The following AGBL3 variants were observed in gnomAD, a reference collection of about 807,000 sequenced individuals.
AGBL3 encodes AGBL carboxypeptidase 3, also known as cytosolic carboxypeptidase 3.
AGBL3 carries 68 observed loss-of-function variants against 94.5 expected under a neutral mutation model. The observed-to-expected ratio is 0.72, with a 90% CI of 0.59 to 0.88. The LOEUF (loss-of-function observed/expected upper bound fraction) is 0.88, where lower values mean the gene tolerates loss of function less well. Among genes scored for constraint, AGBL3 ranks in the 40% least tolerant of loss-of-function variants. The probability of loss-of-function intolerance (pLI) is 0.00; values close to 1 mark genes in which losing one functional copy is unlikely to be tolerated. For missense variants in AGBL3, 934 were observed against 1,103.8 expected (o/e 0.85, Z 2.18); for synonymous variants, 354 against 370.7 (o/e 0.95, Z 0.52).
At position 135,081,266 on chromosome 7, in the gene AGBL3, A is replaced by C. The variant is rs546958549; in HGVS notation, c.2039-453A>C. On this transcript the variant is annotated intron_variant, in intron 14 of 16. Transcript: ENST00000436302. ...CGTTCCTATATTTATCCACATACACACCATGTTAATGAATCACATAATCAT... is the reference window on the plus strand; with the variant it reads ...CGTTCCTATATTTATCCACATACACCCCATGTTAATGAATCACATAATCAT... Among the ~76,000 whole-genome samples, 8 of 152,224 alleles carry C rather than the reference A, an allele frequency of 5.3e-5. No homozygotes were observed. The South Asian group carries it at 1.7e-3, about 32-fold the overall frequency.
At chr7:135,008,031 A>T (rs1334511153) in intron 4 of AGBL3, among the ~76,000 whole-genome samples, 3 of 152,092 alleles carry the variant, frequency 2.0e-5, no homozygotes, top group African/African-American at 7.2e-5. Context: ...GGATCAAAAG[A>T]CTTACTATTA....
intron 11 of AGBL3, among the ~76,000 whole-genome samples, chr7:135,049,415 C>T (rs1817673292): frequency 1.3e-5 from 2 of 151,858 alleles, no homozygotes; most frequent in Non-Finnish European, 2.9e-5. Context: ...CTAGATCTTT[C>T]GTATCAGGTT....
intron 12 of AGBL3, among the ~76,000 whole-genome samples, chr7:135,062,170 T>C (rs1383434860): frequency 1.3e-5 from 2 of 152,074 alleles, no homozygotes; most frequent in Non-Finnish European, 2.9e-5. Flanking sequence ...AATTATGTTC[T>C]TGATTTCTTT....
rs1820541517 is a variant in AGBL3 at position 135,077,256 on chromosome 7, ACAGAGGCTCTACTT to A, written c.1980+792_1980+805del. Among the ~76,000 whole-genome samples the A allele has an allele frequency of 2.6e-5, 4 of 152,176 alleles. No homozygotes were observed. The South Asian group carries it at 8.3e-4, about 31-fold the overall frequency. On this transcript the variant is annotated intron_variant, in intron 13 of 16. Transcript: ENST00000436302. Reference sequence around the variant, plus strand: ...TCCTCTCCCAGTCCCCGTACATGAGACAGAGGCTCTACTTCAGGTGCTCCACCACTGAGCATTCT... The same window carrying A: ...TCCTCTCCCAGTCCCCGTACATGAGACAGGTGCTCCACCACTGAGCATTCT...
At position 135,135,105 on chromosome 7, in the gene AGBL3, T is replaced by C. The variant is rs1326983240; in HGVS notation, c.2607T>C (p.Asp869=). 1 of 1,551,038 alleles carries C rather than the reference T, an allele frequency of 6.4e-7. No individual in the cohort carries two copies. Among genetic ancestry groups the C allele is most frequent in the Non-Finnish European group, 8.7e-7 (1 of 1,146,662 alleles). ...CTGCTTCTTCAAGCTTTGGAATGGATGCAAATGTTCTAAAATATAAGAGTC... is the reference window on the plus strand; with the variant it reads ...CTGCTTCTTCAAGCTTTGGAATGGACGCAAATGTTCTAAAATATAAGAGTC... ...WETASSSFGM[D]ANVLKYKSLQ... Residue 869 remains aspartate, a synonymous_variant, in exon 17 of 17, where the codon GAT becomes GAC. Coordinates refer to ENST00000436302, the MANE Select transcript of AGBL3 (RefSeq NM_178563.4).
Position 135,034,881 on chromosome 7 carries a change from G to T in AGBL3, c.1290G>T (p.Leu430=), listed in dbSNP as rs746522434. The change falls in exon 7 of 17, where the codon CTG becomes CTT. Residue 430 remains leucine (L), a synonymous_variant. Transcript: ENST00000436302. ...RDLNRNYTSL[L]KESFPSVWYT... ...TAAACCGTAATTATACATCTCTCCT[G>T]AAGGAATCTTTTCCTTCTGTATGGT... is the stretch of plus-strand genomic sequence containing the variant. 2.6e-6 allele frequency: 4 copies of T among 1,547,442 alleles called. No individual in the cohort carries two copies. The South Asian group carries it at 3.6e-5, about 14-fold the overall frequency.
chr7:135,071,426 G>A (rs1340526185), intron 12 of AGBL3, among the ~76,000 whole-genome samples: 1 of 151,938 alleles, frequency 6.6e-6, no homozygotes, highest in Non-Finnish European at 1.5e-5. Flanking sequence ...AAGTTCATAT[G>A]GAACCAAAAA....
chr7:135,076,405 T>C lies in AGBL3; in HGVS notation c.1917T>C (p.His639=), dbSNP rs901692168. 9 of 1,545,170 alleles carry C rather than the reference T, an allele frequency of 5.8e-6. No individual in the cohort carries two copies. The Admixed American group carries it at 1.6e-4, about 27-fold the overall frequency. The change falls in exon 13 of 17, where the codon CAT becomes CAC. Residue 639 remains histidine, a synonymous_variant. Coordinates refer to ENST00000436302, the MANE Select transcript of AGBL3 (RefSeq NM_178563.4). ...TATGATTCTTTTACTAGAAAAAACA[T>C]TTGAAAACAAAGAAGGAAAGGAATT... is the stretch of plus-strand genomic sequence containing the variant. ...YLLKLTSQKK[H]LKTKKERNST...
chr7:135,081,180 T>C (rs1028775462), intron 14 of AGBL3, among the ~76,000 whole-genome samples: 1 of 152,082 alleles, frequency 6.6e-6, no homozygotes, highest in Non-Finnish European at 1.5e-5. Flanking sequence ...ATGTCAAAAA[T>C]TAAAAATAAA....
intron 16 of AGBL3, among the ~76,000 whole-genome samples, chr7:135,120,933 G>A (rs963569341): frequency 1.3e-5 from 2 of 152,334 alleles, no homozygotes; most frequent in Middle Eastern, 3.4e-3. Flanking sequence ...GCTGGGTGCA[G>A]TGGCTTACAC....
chr7:135,107,664 T>C (rs1473885921), intron 15 of AGBL3, among the ~76,000 whole-genome samples: 2 of 152,220 alleles, frequency 1.3e-5, no homozygotes, highest in East Asian at 1.9e-4. Flanking sequence ...GTATGTACCA[T>C]ATGGCAATGA....
intron 4 of AGBL3, chr7:135,011,329 C>G (rs1229195539): frequency 6.6e-6 from 1 of 151,882 alleles, no homozygotes; most frequent in Non-Finnish European, 1.5e-5. Context: ...GAAAATAATA[C>G]AAGAAAATAT....
rs749105407 is a variant in AGBL3 at position 135,135,193 on chromosome 7, A to G, written c.2695A>G (p.Lys899Glu). Reference protein sequence around the residue: ...KHTALHLTKNKDEQANKNDGQ... With the variant: ...KHTALHLTKNEDEQANKNDGQ... ...TACAGCCCTCCATCTAACTAAAAAT[A>G]AGGATGAGCAGGCCAATAAGAATGA... The change falls in exon 17 of 17, where the codon AAG becomes GAG. Residue 899 changes from lysine to glutamate, a missense_variant. Lys to Glu is a moderately conservative substitution (Grantham distance 56). This residue lies in a region of AGBL3 where 441 missense variants were observed against 518.2 expected (regional missense o/e 0.85). Transcript: ENST00000436302. The G allele has an allele frequency of 3.3e-5, 51 of 1,548,348 alleles. No individual in the cohort carries two copies. Among genetic ancestry groups the G allele is most frequent in the South Asian group, 2.0e-4 (17 of 83,760 alleles).
chr7:135,129,741 T>C (rs780660963), intron 16 of AGBL3: 176 of 708,488 alleles, frequency 2.5e-4, no homozygotes, highest in Non-Finnish European at 3.8e-4. Context: ...CCTAATCTTT[T>C]GTCAAGTACA....
intron 15 of AGBL3, among the ~76,000 whole-genome samples, chr7:135,103,386 C>G (rs1824149612): frequency 6.6e-6 from 1 of 152,176 alleles, no homozygotes; most frequent in South Asian, 2.1e-4. Context: ...TATACTCTCA[C>G]AACTATCAAT....
intron 5 of AGBL3, 64 bp from the exon 6 acceptor site, chr7:135,032,778 CTG>C: frequency 2.8e-6 from 4 of 1,416,214 alleles, no homozygotes; most frequent in Non-Finnish European, 3.7e-6. Flanking sequence ...GCTCCAAACT[CTG>C]TGCAGAATAA....
At chr7:135,008,199 G>T (rs1812640185) in intron 4 of AGBL3, among the ~76,000 whole-genome samples, 1 of 151,758 alleles carries the variant, frequency 6.6e-6, no homozygotes, top group Admixed American at 6.6e-5. Context: ...AAAAACTTAA[G>T]AACATATTTG....
chr7:135,113,534 G>T (rs1042005080), intron 15 of AGBL3, among the ~76,000 whole-genome samples: 2 of 151,988 alleles, frequency 1.3e-5, no homozygotes, highest in Admixed American at 1.3e-4. Context: ...TTTCTCTTAT[G>T]CTGTCTACGG....
At chr7:135,123,385 T>TG (rs1433296796) in intron 16 of AGBL3, among the ~76,000 whole-genome samples, 4 of 152,062 alleles carry the variant, frequency 2.6e-5, no homozygotes, top group Non-Finnish European at 5.9e-5. Context: ...CCAAGAAATG[T>TG]GGGACTTCAT....
Sources: gnomAD v4.1 joint callset for allele counts (sites outside exome capture counted in the v4.1 genomes callset) on GRCh38, gnomAD v4.1.1 for gene constraint, gnomAD v4.1.1 regional missense constraint, MANE v1.5 for transcripts, NCBI Gene and HGNC (gene_info 2026-07-23, HGNC 2026-07-21) for gene names.